The following KMO variants were observed in gnomAD, a reference collection of about 807,000 sequenced individuals.
The protein encoded by KMO is kynurenine 3-hydroxylase.
KMO carries 24 observed loss-of-function variants against 57.8 expected under a neutral mutation model. The observed-to-expected ratio is 0.42, with a 90% confidence interval of 0.30 to 0.58. KMO has a LOEUF of 0.58. KMO is among the 20% of genes least tolerant of loss of function. The pLI, the probability that KMO is intolerant of heterozygous loss-of-function variation, is 0.22. For synonymous variants in KMO, 210 were observed against 193.6 expected (o/e 1.08, Z -0.70); for missense variants, 483 against 588.2 (o/e 0.82, Z 1.85).
chr1:241,547,879 C>T (rs1444227864), intron 1 of KMO, among the ~76,000 whole-genome samples: 3 of 152,146 alleles, frequency 2.0e-5, no homozygotes, highest in African/African-American at 7.2e-5. Flanking sequence ...CCTGCACACA[C>T]ACACAAATGT....
intron 1 of KMO, among the ~76,000 whole-genome samples, chr1:241,533,781 G>A (rs1660661383): frequency 6.6e-6 from 1 of 152,186 alleles, no homozygotes; most frequent in South Asian, 2.1e-4. Context: ...CGAAAACAGG[G>A]TAGTGCTGTA....
chr1:241,549,759 T>C lies in KMO; in HGVS notation c.207T>C (p.Val69=), dbSNP rs146093971. 6.2e-7 allele frequency: 1 copy of C among 1,608,708 alleles called. No individual in the cohort carries two copies. Among genetic ancestry groups the C allele is most frequent in the African/African-American group, 1.3e-5 (1 of 74,756 alleles). The change falls in exon 3 of 15, where the codon GTT becomes GTC. Residue 69 remains valine (V), a synonymous_variant. Transcript: ENST00000366559. ...GAGGACGACAAGCCTTGAAAGCTGT[T>C]GGCCTGGAAGATCAGGTACTTAATG... ...SHRGRQALKA[V]GLEDQIVSQG...
intron 1 of KMO, among the ~76,000 whole-genome samples, chr1:241,542,088 T>C (rs1254786602): frequency 6.6e-6 from 1 of 152,216 alleles, no homozygotes; most frequent in Non-Finnish European, 1.5e-5. Context: ...ATCACAGTTT[T>C]TCCCTTTCCT....
At chr1:241,571,791 G>T (rs898993024) in intron 10 of KMO, among the ~76,000 whole-genome samples, 2 of 151,446 alleles carry the variant, frequency 1.3e-5, no homozygotes, top group Admixed American at 6.6e-5. Context: ...GGTAAGGCTG[G>T]CCTCTTAGAA....
chr1:241,539,611 A>G (rs1253544446), intron 1 of KMO, among the ~76,000 whole-genome samples: 2 of 152,208 alleles, frequency 1.3e-5, no homozygotes, highest in South Asian at 2.1e-4. Context: ...TGTGCTTTGC[A>G]GTTATTCCAA....
rs1558423852 is a variant in KMO at position 241,568,635 on chromosome 1, AG to A, written c.947del (p.Gly316GlufsTer2). 1 of 1,613,686 alleles carries A rather than the reference AG, an allele frequency of 6.2e-7. No homozygotes were observed. Among genetic ancestry groups the A allele is most frequent in the Non-Finnish European group, 8.5e-7 (1 of 1,179,754 alleles). On this transcript the variant is annotated frameshift_variant, in exon 10 of 15. Coordinates refer to ENST00000366559, the MANE Select transcript of KMO (RefSeq NM_003679.5). LOFTEE classifies it high-confidence loss of function. ...AHAIVPFFGQ[G>X]MNAGFEDCLV... ...ATGCTATAGTGCCGTTTTTTGGGCA[AG>A]GAATGAATGCGGTAAGTTCTTTTTC...
chr1:241,575,228 T>A (rs1662464949), intron 10 of KMO, among the ~76,000 whole-genome samples: 1 of 152,040 alleles, frequency 6.6e-6, no homozygotes, highest in African/African-American at 2.4e-5. Context: ...ACTTTTTGTC[T>A]TGTTGATCTT....
At chr1:241,559,100 CAAA>C (rs370682833) in intron 5 of KMO, among the ~76,000 whole-genome samples, 2 of 95,560 alleles carry the variant, frequency 2.1e-5, no homozygotes, top group South Asian at 3.1e-4. Flanking sequence ...AACTCTGTCT[CAAA>C]AAAAAAAAAA....
chr1:241,559,385 C>T (rs556426312), intron 5 of KMO, among the ~76,000 whole-genome samples: 5 of 151,948 alleles, frequency 3.3e-5, no homozygotes, highest in African/African-American at 7.3e-5. Context: ...CCAGGAGTAA[C>T]GTTCTACAAA....
chr1:241,584,442 G>A (rs184773099), intron 10 of KMO, among the ~76,000 whole-genome samples: 109 of 152,306 alleles, frequency 7.2e-4, no homozygotes, highest in African/African-American at 1.1e-3. Flanking sequence ...ACAGTGTGGC[G>A]ATTCCTCAAG....
At chr1:241,540,306 G>C (rs1044411927) in intron 1 of KMO, among the ~76,000 whole-genome samples, 2 of 152,070 alleles carry the variant, frequency 1.3e-5, no homozygotes, top group Admixed American at 1.3e-4. Context: ...CCTGGTGGAA[G>C]TCAGACAAGA....
chr1:241,551,108 CTTG>C (rs1181726002), intron 4 of KMO, 64 bp downstream of exon 4: 3 of 891,516 alleles, frequency 3.4e-6, no homozygotes, highest in Non-Finnish European at 5.4e-6. Context: ...GAACTTGCCT[CTTG>C]TTTGATGGCC....
chr1:241,557,476 C>T (rs929241286), intron 5 of KMO, among the ~76,000 whole-genome samples: 4 of 152,118 alleles, frequency 2.6e-5, no homozygotes, highest in African/African-American at 7.2e-5. Flanking sequence ...TGTAATTGAA[C>T]GTAATGGGAT....
chr1:241,570,931 C>CT (rs1452784697), intron 10 of KMO, among the ~76,000 whole-genome samples: 1 of 151,918 alleles, frequency 6.6e-6, no homozygotes, highest in Non-Finnish European at 1.5e-5. Flanking sequence ...AATATCTTTC[C>CT]TTTTTTTGTG....
chr1:241,588,888 G>A, intron 12 of KMO, 58 bp downstream of exon 12: 1 of 1,293,564 alleles, frequency 7.7e-7, no homozygotes, highest in Non-Finnish European at 1.1e-6. Flanking sequence ...TCTAACAAGT[G>A]TTCTTTTCTT....
Position 241,592,268 on chromosome 1 carries a change from A to G in KMO, c.*115A>G. 2.8e-6 allele frequency: 2 copies of G among 720,388 alleles called. No individual in the cohort carries two copies. Among genetic ancestry groups the G allele is most frequent in the Non-Finnish European group, 4.6e-6 (2 of 430,132 alleles). 44.6% of individuals were successfully genotyped at this position (720,388 alleles called of 1,614,324 possible). ...TAGTGGAAGATAGTGTTCTGCTTAT[A>G]ATTAAACTGAATGTAGAGTATCTCT... On this transcript the variant is annotated 3_prime_UTR_variant, in exon 15 of 15. Transcript: ENST00000366559.
At chr1:241,557,629 G>A (rs1661687097) in intron 5 of KMO, among the ~76,000 whole-genome samples, 1 of 152,140 alleles carries the variant, frequency 6.6e-6, no homozygotes, top group Admixed American at 6.5e-5. Context: ...TGGGTGGAGT[G>A]GAGCCAGTTT....
chr1:241,594,340 A>T lies in KMO; in HGVS notation c.*2187A>T. ...CCACAAGGTTCTGTTGATATTACAT[A>T]GAACGGGTATTCCAGACACTTCTTA... is the stretch of plus-strand genomic sequence containing the variant. On this transcript the variant is annotated 3_prime_UTR_variant, in exon 15 of 15. Transcript: ENST00000366559. 7.2e-7 allele frequency: 1 copy of T among 1,397,718 alleles called. No individual in the cohort carries two copies. The highest frequency in any genetic ancestry group is 9.8e-7 in the Non-Finnish European group (1 of 1,016,204). 86.6% of individuals were successfully genotyped at this position (1,397,718 alleles called of 1,614,324 possible).
At chr1:241,565,886 C>T (rs898807204) in intron 8 of KMO, among the ~76,000 whole-genome samples, 1 of 152,014 alleles carries the variant, frequency 6.6e-6, no homozygotes, top group African/African-American at 2.4e-5. Context: ...AAAGAGATGT[C>T]AAATCTAACC....
Sources: gnomAD v4.1 joint callset for allele counts (sites outside exome capture counted in the v4.1 genomes callset) on GRCh38, gnomAD v4.1.1 for gene constraint, MANE v1.5 for transcripts, NCBI Gene and HGNC (gene_info 2026-07-23, HGNC 2026-07-21) for gene names.